The following UGT1A8 variants were observed in gnomAD, a reference collection of about 807,000 sequenced individuals.
UGT1A8 encodes UDP glucuronosyltransferase family 1 member A8.
In UGT1A8, 39 loss-of-function variants were observed where a neutral mutation model predicts 45.3. That is an observed-to-expected ratio of 0.86 (90% CI 0.67 to 1.12). The LOEUF (loss-of-function observed/expected upper bound fraction) is 1.12, where lower values mean the gene tolerates loss of function less well. Ranked by LOEUF, UGT1A8 falls within the 50% of genes most tolerant of loss-of-function variation. UGT1A8 has a pLI of 0.00. For missense variants in UGT1A8, 719 were observed against 664.9 expected, an observed-to-expected ratio of 1.08 and a Z score of -0.90; for synonymous variants, 275 against 249.2, an observed-to-expected ratio of 1.10 and a Z score of -0.97.
intron 4 of UGT1A8, 132 bp from the exon 5 acceptor site, chr2:233,772,130 A>G: frequency 2.6e-6 from 4 of 1,542,514 alleles, no homozygotes; most frequent in Non-Finnish European, 2.6e-6. Context: ...AACAACAACA[A>G]CAATAATAGA....
rs138794928 is a variant in UGT1A8, at chr2:233,747,227, C to T, written c.856-19807C>T. 1.0e-2 allele frequency: 16,041 copies of T among 1,605,006 alleles called. 99 individuals are homozygous for T. The highest frequency in any genetic ancestry group is 0.012 in the Non-Finnish European group (14,233 of 1,175,294). On this transcript the variant is annotated intron_variant, in intron 1 of 4. Transcript: ENST00000373450. ...TCTTCTGCTGAGATGGCCACAGGACCCCAGGTTCCCCTGCTGTGGCTGGCC... is the reference window on the plus strand; with the variant it reads ...TCTTCTGCTGAGATGGCCACAGGACTCCAGGTTCCCCTGCTGTGGCTGGCC...
chr2:233,747,879 C>A (rs186049008), intron 1 of UGT1A8: 15 of 1,613,516 alleles, frequency 9.3e-6, no homozygotes, highest in African/African-American at 4.0e-5. Context: ...CCTGTCCTAC[C>A]TTTGCCATGC....
intron 1 of UGT1A8, chr2:233,692,843 A>G (rs746217324): frequency 3.8e-5 from 55 of 1,453,204 alleles, no homozygotes; most frequent in Admixed American, 5.7e-5. Context: ...ATGGTTAAAT[A>G]TTAATTTGGG....
intron 1 of UGT1A8, among the ~76,000 whole-genome samples, chr2:233,649,674 C>T (rs1253733415): frequency 1.3e-5 from 2 of 152,168 alleles, no homozygotes; most frequent in Non-Finnish European, 2.9e-5. Flanking sequence ...GCAACATAGA[C>T]ACAAGCTTTC....
intron 1 of UGT1A8, among the ~76,000 whole-genome samples, chr2:233,766,606 C>T (rs961105676): frequency 6.6e-6 from 1 of 152,198 alleles, no homozygotes; most frequent in Non-Finnish European, 1.5e-5. Context: ...GGACCACACC[C>T]TCTTCTACCC....
intron 1 of UGT1A8, among the ~76,000 whole-genome samples, chr2:233,658,562 A>G (rs1351732754): frequency 1.3e-5 from 2 of 152,122 alleles, no homozygotes; most frequent in South Asian, 2.1e-4. Flanking sequence ...TGACTTTGAC[A>G]GTTTTGAGCA....
chr2:233,672,752 G>T, intron 1 of UGT1A8: 1 of 1,613,866 alleles, frequency 6.2e-7, no homozygotes, highest in African/African-American at 1.3e-5. Flanking sequence ...ATCTTCATTG[G>T]TGGTATCAAC....
At chr2:233,760,928 T>C (rs1276169722) in intron 1 of UGT1A8, 2 of 1,614,184 alleles carry the variant, frequency 1.2e-6, no homozygotes, top group Non-Finnish European at 1.7e-6. Context: ...AAGAACATGC[T>C]CATTGCCTTT....
intron 1 of UGT1A8, among the ~76,000 whole-genome samples, chr2:233,700,278 T>G (rs2075554509): frequency 6.6e-6 from 1 of 152,242 alleles, no homozygotes; most frequent in African/African-American, 2.4e-5. Flanking sequence ...AGGCACTTTT[T>G]AAAATACGTG....
chr2:233,628,728 G>A (rs370987515), intron 1 of UGT1A8, among the ~76,000 whole-genome samples: 25 of 152,234 alleles, frequency 1.6e-4, no homozygotes, highest in African/African-American at 6.0e-4. Flanking sequence ...CACCATCAAG[G>A]ATGATATTAA....
intron 1 of UGT1A8, among the ~76,000 whole-genome samples, chr2:233,621,385 G>C (rs752673211): frequency 6.6e-6 from 1 of 152,090 alleles, no homozygotes; most frequent in Non-Finnish European, 1.5e-5. Flanking sequence ...TTCGGGCTTC[G>C]TCTATACCAT....
intron 1 of UGT1A8, among the ~76,000 whole-genome samples, chr2:233,677,810 A>C (rs988089619): frequency 3.9e-5 from 6 of 152,244 alleles, no homozygotes. Flanking sequence ...CATTCGACCC[A>C]GCAATCCCAT....
chr2:233,665,127 C>T (rs1181296605), intron 1 of UGT1A8, among the ~76,000 whole-genome samples: 2 of 152,142 alleles, frequency 1.3e-5, no homozygotes, highest in African/African-American at 4.8e-5. Context: ...CCAGGCTGGA[C>T]ATATTGTTCT....
chr2:233,637,098 T>C (rs905661538), intron 1 of UGT1A8: 2 of 1,613,926 alleles, frequency 1.2e-6, no homozygotes, highest in Non-Finnish European at 8.5e-7. Context: ...ATGTCCCCAA[T>C]GATCTCTTAG....
intron 1 of UGT1A8, chr2:233,682,503 A>G (rs2074581873): frequency 1.9e-6 from 3 of 1,613,718 alleles, no homozygotes; most frequent in East Asian, 2.2e-5. Context: ...CCTCTTTCCT[A>G]TGTCCCCAGA....
chr2:233,675,676 A>G lies in UGT1A8; in HGVS notation c.855+57114A>G, dbSNP rs28969705. Among the ~76,000 whole-genome samples the G allele has an allele frequency of 4.1e-4, 63 of 152,320 alleles. No individual in the cohort carries two copies. In the East Asian group the frequency reaches 0.011, roughly 27 times the overall value. Reference sequence around the variant, plus strand: ...CATACACAATGGAGAGACTCAGTGTAATGAGCACCCACTTATCCATTCTTA... The same window carrying G: ...CATACACAATGGAGAGACTCAGTGTGATGAGCACCCACTTATCCATTCTTA... On this transcript the variant is annotated intron_variant, in intron 1 of 4. Transcript: ENST00000373450.
At chr2:233,644,852 T>C (rs2073557074) in intron 1 of UGT1A8, among the ~76,000 whole-genome samples, 1 of 152,166 alleles carries the variant, frequency 6.6e-6, no homozygotes, top group South Asian at 2.1e-4. Flanking sequence ...TGAGTTTTGG[T>C]TCTTATGAAG....
At chr2:233,690,042 AT>A in intron 1 of UGT1A8, 1 of 411,996 alleles carries the variant, frequency 2.4e-6, no homozygotes, top group South Asian at 1.8e-5. Flanking sequence ...GGCCCAGAGC[AT>A]TCTGACTTCT....
At chr2:233,754,901 C>G (rs996500791) in intron 1 of UGT1A8, 1 of 1,352,458 alleles carries the variant, frequency 7.4e-7, no homozygotes, top group South Asian at 1.1e-5. Flanking sequence ...TCTGACCCCC[C>G]AAAATATTCT....
Sources: allele counts gnomAD v4.1 joint callset (sites outside exome capture counted in the v4.1 genomes callset), GRCh38; gene constraint gnomAD v4.1.1; transcripts MANE v1.5; gene names NCBI Gene and HGNC (gene_info 2026-07-23, HGNC 2026-07-21).